Variants in ARHGEF3 observed in about 807,000 individuals in gnomAD.
The protein encoded by ARHGEF3 is 59.8 kDA protein.
Under a neutral mutation model 63.2 loss-of-function variants are expected in ARHGEF3, and 28 were observed. The ratio of observed to expected loss-of-function variants is 0.44; its 90% CI spans 0.33 to 0.61. ARHGEF3 has a LOEUF of 0.61. Ranked by LOEUF, ARHGEF3 falls within the 20% of genes least tolerant of loss-of-function variation. ARHGEF3 has a pLI of 0.03. For missense variants in ARHGEF3, 533 were observed against 659.3 expected (o/e 0.81, Z 2.10); for synonymous variants, 266 against 254.2 (o/e 1.05, Z -0.44).
chr3:57,023,963 C>T (rs901085749), intron 2 of ARHGEF3, among the ~76,000 whole-genome samples: 3 of 152,214 alleles, frequency 2.0e-5, no homozygotes, highest in African/African-American at 4.8e-5. Flanking sequence ...AGTAGACACT[C>T]GAGATAGACT....
At chr3:56,929,172 G>C (rs2042348956) in intron 3 of ARHGEF3, among the ~76,000 whole-genome samples, 1 of 152,144 alleles carries the variant, frequency 6.6e-6, no homozygotes, top group Non-Finnish European at 1.5e-5. Flanking sequence ...GAGTGAGAGT[G>C]GGGGATACCA....
At chr3:56,945,034 T>C (rs894346958) in intron 3 of ARHGEF3, among the ~76,000 whole-genome samples, 4 of 152,160 alleles carry the variant, frequency 2.6e-5, no homozygotes, top group Non-Finnish European at 4.4e-5. Context: ...AGTTCTCCTA[T>C]GGGTTAAATG....
chr3:57,071,425 G>C (rs1705896033), intron 1 of ARHGEF3, among the ~76,000 whole-genome samples: 1 of 152,138 alleles, frequency 6.6e-6, no homozygotes, highest in African/African-American at 2.4e-5. Context: ...ACTTTGGGAG[G>C]CTAAGGTGGG....
chr3:56,847,695 G>T (rs75369115), intron 4 of ARHGEF3, among the ~76,000 whole-genome samples: 1 of 151,982 alleles, frequency 6.6e-6, no homozygotes, highest in Non-Finnish European at 1.5e-5. Context: ...CTCCTGCCTC[G>T]GCCTCCCGAG....
At chr3:56,931,652 T>C (rs188755368) in intron 3 of ARHGEF3, among the ~76,000 whole-genome samples, 34 of 151,428 alleles carry the variant, frequency 2.2e-4, no homozygotes, top group Admixed American at 1.5e-3. Flanking sequence ...TGTAGTTATC[T>C]GAGTTTCATA....
At position 56,728,451 on chromosome 3, in the gene ARHGEF3, C is replaced by A. The variant is rs1256569235; in HGVS notation, c.*819G>T. Reference sequence around the variant, plus strand: ...TGAGTAGGCCTAGGCAGATGAAACACAATGAATACAGGGCCTTCTTGTTAT... The same window carrying A: ...TGAGTAGGCCTAGGCAGATGAAACAAAATGAATACAGGGCCTTCTTGTTAT... On this transcript the variant is annotated 3_prime_UTR_variant, in exon 10 of 10. Transcript: ENST00000296315. 1 of 152,630 alleles carries A rather than the reference C, an allele frequency of 6.6e-6. No homozygotes were observed. Among genetic ancestry groups the A allele is most frequent in the Non-Finnish European group, 1.5e-5 (1 of 68,054 alleles). 9.5% of individuals were successfully genotyped at this position (152,630 alleles called of 1,614,324 possible).
chr3:56,891,341 C>CTT (rs146940929), intron 3 of ARHGEF3, among the ~76,000 whole-genome samples: 27 of 140,562 alleles, frequency 1.9e-4, no homozygotes, highest in Middle Eastern at 3.6e-3. Flanking sequence ...TAGTACACTG[C>CTT]TTTTTTTTTT....
At chr3:56,750,252 T>C (rs1339237456) in intron 6 of ARHGEF3, among the ~76,000 whole-genome samples, 4 of 152,118 alleles carry the variant, frequency 2.6e-5, no homozygotes, top group Non-Finnish European at 5.9e-5. Flanking sequence ...ATGTGTAGAA[T>C]AGGGAGCGGT....
intron 1 of ARHGEF3, among the ~76,000 whole-genome samples, chr3:57,044,277 C>T (rs1370491126): frequency 1.3e-5 from 2 of 152,314 alleles, no homozygotes; most frequent in East Asian, 3.9e-4. Flanking sequence ...ACACCCGCGC[C>T]ATGGAGGCAT....
At chr3:56,750,939 T>G (rs1559903244) in intron 6 of ARHGEF3, 117 bp downstream of exon 6, 74 of 689,732 alleles carry the variant, frequency 1.1e-4, no homozygotes, top group Non-Finnish European at 1.5e-4. Context: ...TTTTTTCTGA[T>G]GTGAAACCAA....
rs536807198 is a variant in ARHGEF3 at position 56,750,134 on chromosome 3, C to A, written c.612+922G>T. Among the ~76,000 whole-genome samples the A allele has an allele frequency of 4.6e-5, 7 of 152,222 alleles. No homozygotes were observed. The South Asian group carries it at 1.2e-3, about 27-fold the overall frequency. The stretch of plus-strand genomic sequence containing the variant: ...CAGAGTGATGAGAGACCTAATCTTG[C>A]CTGGAATAAGTCAGCAAAGTAATCT... On this transcript the variant is annotated intron_variant, in intron 6 of 9. Transcript: ENST00000296315.
At chr3:57,078,604 G>C (rs529964580) in intron 1 of ARHGEF3, 1 of 152,402 alleles carries the variant, frequency 6.6e-6, no homozygotes, top group South Asian at 2.1e-4. Context: ...CCTCCACCCT[G>C]GTGTCCTATC....
intron 1 of ARHGEF3, among the ~76,000 whole-genome samples, chr3:57,063,471 G>A (rs926363038): frequency 3.3e-5 from 5 of 152,190 alleles, no homozygotes; most frequent in African/African-American, 1.2e-4. Flanking sequence ...GAATGACCTG[G>A]AGGGTGGTAG....
Position 56,831,965 on chromosome 3 carries a change from G to A in ARHGEF3, c.192+50327C>T, listed in dbSNP as rs114268403. Among the ~76,000 whole-genome samples, 1,329 of 152,358 alleles carry A rather than the reference G, an allele frequency of 8.7e-3. 22 individuals carry two copies. Among genetic ancestry groups the A allele is most frequent in the African/African-American group, 0.031 (1,273 of 41,582 alleles). On this transcript the variant is annotated intron_variant, in intron 4 of 12. Coordinates refer to the ARHGEF3 transcript ENST00000338458. ...CAGAAGGGCAAAGGTATGATCGTGA[G>A]TTACCGTGGACTTGAGAACTTTGAC...
At chr3:56,837,344 C>G (rs2039150054) in intron 4 of ARHGEF3, among the ~76,000 whole-genome samples, 1 of 152,192 alleles carries the variant, frequency 6.6e-6, no homozygotes, top group Non-Finnish European at 1.5e-5. Flanking sequence ...CATGTAGGAT[C>G]AAACCCTTGT....
At chr3:56,907,558 A>C (rs62251077) in intron 3 of ARHGEF3, among the ~76,000 whole-genome samples, 20,838 of 152,218 alleles carry the variant, frequency 0.14, 1,711 homozygotes, top group Non-Finnish European at 0.19. Context: ...TCATAATGAC[A>C]CATGCACATG....
intron 1 of ARHGEF3, among the ~76,000 whole-genome samples, chr3:57,070,083 CT>C (rs1469452022): frequency 1.3e-5 from 2 of 152,222 alleles, no homozygotes; most frequent in Admixed American, 6.5e-5. Context: ...AATTGTACCC[CT>C]TTGCCCAACA....
intron 3 of ARHGEF3, among the ~76,000 whole-genome samples, chr3:56,889,326 G>T (rs1306030434): frequency 2.0e-5 from 3 of 152,134 alleles, no homozygotes; most frequent in African/African-American, 7.2e-5. Flanking sequence ...GCTGGCCGTG[G>T]TCCAAGCCTG....
chr3:57,021,795 A>G (rs1270075453), intron 2 of ARHGEF3, among the ~76,000 whole-genome samples: 1 of 152,062 alleles, frequency 6.6e-6, no homozygotes, highest in East Asian at 1.9e-4. Flanking sequence ...TACCAATCCA[A>G]TTAGAAGACA....
Sources: gnomAD v4.1 joint callset for allele counts (sites outside exome capture counted in the v4.1 genomes callset) on GRCh38, gnomAD v4.1.1 for gene constraint, MANE v1.5 for transcripts, NCBI Gene and HGNC (gene_info 2026-07-23, HGNC 2026-07-21) for gene names.